The following RAD54L2 variants were observed in gnomAD, a reference collection of about 807,000 sequenced individuals.
RAD54L2 encodes the protein RAD54 like 2.
Under a neutral mutation model 138.4 loss-of-function variants are expected in RAD54L2, and 27 were observed. The observed-to-expected ratio is 0.20, with a 90% confidence interval of 0.14 to 0.27. The LOEUF (loss-of-function observed/expected upper bound fraction) is 0.27. Among genes scored for constraint, RAD54L2 ranks in the 10% least tolerant of loss-of-function variants. The pLI, the probability that RAD54L2 is intolerant of heterozygous loss-of-function variation, is 1.00. For synonymous variants in RAD54L2, 644 were observed against 723.2 expected, an observed-to-expected ratio of 0.89 and a Z score of 1.76; for missense variants, 1,396 against 1,890.2, an observed-to-expected ratio of 0.74 and a Z score of 4.85.
intron 3 of RAD54L2, among the ~76,000 whole-genome samples, chr3:51,623,198 G>A (rs567340259): frequency 4.6e-5 from 7 of 152,330 alleles, no homozygotes; most frequent in African/African-American, 1.2e-4. Flanking sequence ...CAATTTCATC[G>A]AGGCAGTATG....
At chr3:51,543,596 G>A (rs1278868938) in intron 2 of RAD54L2, among the ~76,000 whole-genome samples, 5 of 121,998 alleles carry the variant, frequency 4.1e-5, no homozygotes, top group Admixed American at 9.9e-5. Context: ...CAACAAGAGC[G>A]AAACTCCATC....
rs148128416 is a variant in RAD54L2, at chr3:51,638,179, C to G, written c.1718C>G (p.Ala573Gly). ...ACTGTGCTGAAGATTCATCTCCCTGCCAAGGAAGAAAATGTGATCCTTGTG... is the reference window on the plus strand; with the variant it reads ...ACTGTGCTGAAGATTCATCTCCCTGGCAAGGAAGAAAATGTGATCCTTGTG... ...GHTVLKIHLPAKEENVILVRL... is the reference protein window; with the variant it reads ...GHTVLKIHLPGKEENVILVRL... Residue 573 changes from alanine to glycine, a missense_variant, in exon 12 of 23, where the codon GCC becomes GGC. Ala to Gly is a moderately conservative substitution (Grantham distance 60). Coordinates refer to ENST00000684192, the MANE Select transcript of RAD54L2 (RefSeq NM_015106.4). This position sits in a 1 kb window ranked among gnomAD's most constrained non-coding sequence, Gnocchi z 4.3. The G allele has an allele frequency of 5.6e-6, 9 of 1,613,856 alleles. No homozygotes were observed. Among genetic ancestry groups the G allele is most frequent in the Non-Finnish European group, 7.6e-6 (9 of 1,179,894 alleles).
intron 3 of RAD54L2, among the ~76,000 whole-genome samples, chr3:51,609,083 G>T (rs1038239229): frequency 3.9e-5 from 6 of 152,108 alleles, no homozygotes; most frequent in African/African-American, 1.4e-4. Context: ...TAGAGATGGG[G>T]TTTCACCATG....
At chr3:51,568,776 A>G (rs1699271279) in intron 2 of RAD54L2, among the ~76,000 whole-genome samples, 1 of 152,158 alleles carries the variant, frequency 6.6e-6, no homozygotes, top group Non-Finnish European at 1.5e-5. Flanking sequence ...AGGGAAGAAA[A>G]TGCATTGTAA....
chr3:51,558,579 G>T (rs1441206688), intron 2 of RAD54L2, among the ~76,000 whole-genome samples: 5 of 151,512 alleles, frequency 3.3e-5, no homozygotes, highest in Non-Finnish European at 7.4e-5. Context: ...AAGTGATTCC[G>T]CCCACCTTAG....
intron 20 of RAD54L2, 102 bp from the exon 21 acceptor site, chr3:51,657,478 G>A: frequency 1.4e-6 from 1 of 718,560 alleles, no homozygotes; most frequent in Non-Finnish European, 2.5e-6. Context: ...AGGCTGTAGG[G>A]AAACCAATGA....
chr3:51,555,790 AAG>A (rs1363682291), intron 2 of RAD54L2, among the ~76,000 whole-genome samples: 1 of 152,182 alleles, frequency 6.6e-6, no homozygotes, highest in African/African-American at 2.4e-5. Flanking sequence ...ACAGTAATGA[AAG>A]AGTATATGCT....
intron 2 of RAD54L2, among the ~76,000 whole-genome samples, chr3:51,577,132 C>A (rs539469096): frequency 1.5e-4 from 23 of 151,992 alleles, no homozygotes; most frequent in Middle Eastern, 3.4e-3. Context: ...CAGGTTGTTC[C>A]GTTTCCATGT....
chr3:51,595,936 C>CTT (rs200140512), intron 3 of RAD54L2, among the ~76,000 whole-genome samples: 2 of 128,300 alleles, frequency 1.6e-5, no homozygotes, highest in African/African-American at 5.7e-5. Flanking sequence ...ATTCAGTCTT[C>CTT]TTTTTTTTTT....
rs1183914092 is a variant in RAD54L2, at chr3:51,638,067, A to G, written c.1683-77A>G. The G allele has an allele frequency of 1.2e-5, 17 of 1,409,474 alleles. No homozygotes were observed. Among genetic ancestry groups the G allele is most frequent in the Non-Finnish European group, 1.6e-5 (16 of 1,020,256 alleles). The allele number at this position is 1,409,474 out of a possible 1,614,324, so 87.3% of individuals were successfully genotyped here. The stretch of plus-strand genomic sequence containing the variant: ...AAGAGGGAGGTGTGGCAGGAGTGCA[A>G]AAGGCTCTGTTTTTATCTTGTGCTG... On this transcript the variant is annotated intron_variant, in intron 11 of 22. Transcript: ENST00000684192. The surrounding 1 kb of genome is among the most constrained non-coding windows in gnomAD (Gnocchi z 4.3).
intron 5 of RAD54L2, among the ~76,000 whole-genome samples, 172 bp from the exon 6 acceptor site, chr3:51,630,100 A>C (rs374609573): frequency 2.4e-4 from 36 of 152,270 alleles, no homozygotes; most frequent in East Asian, 3.9e-4. Context: ...AAACCAGTAG[A>C]GAAAGGGAAT....
chr3:51,663,777 C>A lies in RAD54L2; in HGVS notation c.*357C>A. The A allele has an allele frequency of 5.1e-6, 1 of 196,612 alleles. No homozygotes were observed. Among genetic ancestry groups the A allele is most frequent in the Non-Finnish European group, 1.0e-5 (1 of 96,566 alleles). 12.2% of individuals were successfully genotyped at this position (196,612 alleles called of 1,614,324 possible). ...TCCCATTTCTGTCTTTGGGAACATT[C>A]TTTCCCAAGAGAGCTGCCTTACTAG... On this transcript the variant is annotated 3_prime_UTR_variant, in exon 23 of 23. Coordinates refer to ENST00000684192, the MANE Select transcript of RAD54L2 (RefSeq NM_015106.4).
At chr3:51,595,544 C>A (rs1466910998) in intron 3 of RAD54L2, among the ~76,000 whole-genome samples, 1 of 152,148 alleles carries the variant, frequency 6.6e-6, no homozygotes, top group Non-Finnish European at 1.5e-5. Context: ...TTGTTTCCTC[C>A]TTGATACTGA....
chr3:51,613,972 C>G (rs888452172), intron 3 of RAD54L2, among the ~76,000 whole-genome samples: 1 of 152,168 alleles, frequency 6.6e-6, no homozygotes, highest in African/African-American at 2.4e-5. Context: ...GTCAGGGATG[C>G]TGCTAAACGT....
chr3:51,609,740 G>GT, intron 3 of RAD54L2, among the ~76,000 whole-genome samples: 1 of 134,564 alleles, frequency 7.4e-6, no homozygotes, highest in African/African-American at 2.8e-5. Flanking sequence ...GTGTGTGTGT[G>GT]GTTTGTAGTC....
At chr3:51,646,730 G>T (rs1701289418) in intron 19 of RAD54L2, among the ~76,000 whole-genome samples, 1 of 152,106 alleles carries the variant, frequency 6.6e-6, no homozygotes, top group African/African-American at 2.4e-5. Flanking sequence ...TGGACACCTG[G>T]GTAGGAGACG....
At chr3:51,654,964 T>G (rs1477787056) in intron 19 of RAD54L2, among the ~76,000 whole-genome samples, 1 of 152,154 alleles carries the variant, frequency 6.6e-6, no homozygotes, top group African/African-American at 2.4e-5. Context: ...CCAGGGCCTC[T>G]AACTCCTGCC....
rs1020905867 is a variant in RAD54L2 at position 51,648,327 on chromosome 3, A to G, written c.3026+1846A>G. On this transcript the variant is annotated intron_variant, in intron 19 of 22. Coordinates refer to ENST00000684192, the MANE Select transcript of RAD54L2 (RefSeq NM_015106.4). ...ACTGGGTGGAGCCCACTGTAGCTCA[A>G]CCAGGCCTGCCTGCCTCTGTAGATT... Among the ~76,000 whole-genome samples, 6 of 152,244 alleles carry G rather than the reference A, an allele frequency of 3.9e-5. No individual in the cohort carries two copies. The South Asian group carries it at 6.2e-4, about 16-fold the overall frequency.
chr3:51,660,340 G>A (rs547717209), intron 22 of RAD54L2, among the ~76,000 whole-genome samples: 3 of 151,662 alleles, frequency 2.0e-5, no homozygotes, highest in South Asian at 2.1e-4. Flanking sequence ...ACAGGGTCTC[G>A]CTCTGTCGCC....
Sources: allele counts gnomAD v4.1 joint callset (sites outside exome capture counted in the v4.1 genomes callset), GRCh38; gene constraint gnomAD v4.1.1; non-coding constraint Gnocchi (gnomAD v3.1); transcripts MANE v1.5; gene names NCBI Gene and HGNC (gene_info 2026-07-23, HGNC 2026-07-21).